Variants in DPF1 observed in about 807,000 individuals in gnomAD.
The protein encoded by DPF1 is double PHD fingers 1, also known as zinc finger protein neuro-d4.
In DPF1, 14 loss-of-function variants were observed where a neutral mutation model predicts 58.7. The observed-to-expected ratio is 0.24, with a 90% confidence interval of 0.16 to 0.37. The LOEUF is 0.37. Ranked by LOEUF, DPF1 falls within the 10% of genes least tolerant of loss-of-function variation. The probability of loss-of-function intolerance (pLI) is 1.00; values close to 1 mark genes in which losing one functional copy is unlikely to be tolerated. For missense variants in DPF1, 345 were observed against 529.9 expected (o/e 0.65, Z 3.43); for synonymous variants, 216 against 216.0 (o/e 1.00, Z 0.00).
At chr19:38,221,927 C>T (rs1967505569) in intron 3 of DPF1, among the ~76,000 whole-genome samples, 1 of 151,808 alleles carries the variant, frequency 6.6e-6, no homozygotes, top group Admixed American at 6.6e-5. Flanking sequence ...ACTAAAAATA[C>T]AAAATCAGCC....
In DPF1 at chr19:38,217,518, C is replaced by G; in HGVS notation, c.669G>C (p.Glu223Asp). The change falls in exon 7 of 12, where the codon GAG becomes GAC. Residue 223 changes from glutamate to aspartate, a missense_variant. Transcript: ENST00000355526. ...HYTHTHLAEEEGEENAERHAL... is the reference protein window; with the variant it reads ...HYTHTHLAEEDGEENAERHAL... ...CGTGGCGTTCGGCGTTCTCCTCCCC[C>G]TCCTCCTCGGCCAGGTGGGTGTGGG... The G allele has an allele frequency of 1.3e-6, 2 of 1,551,564 alleles. No individual in the cohort carries two copies. Among genetic ancestry groups the G allele is most frequent in the Non-Finnish European group, 1.7e-6 (2 of 1,146,970 alleles).
intron 11 of DPF1, 43 bp downstream of exon 11, chr19:38,212,237 T>TGGGGGGGGGGGGGCC: frequency 8.0e-7 from 1 of 1,256,804 alleles, no homozygotes; most frequent in Non-Finnish European, 1.1e-6. Flanking sequence ...GGAGATGGCG[T>TGGGGGGGGGGGGGCC]TCCCACCCAC....
At chr19:38,212,190 CCT>C in intron 11 of DPF1, 57 bp from the exon 12 acceptor site, 1 of 1,570,176 alleles carries the variant, frequency 6.4e-7, no homozygotes, top group Non-Finnish European at 8.6e-7. Flanking sequence ...TGCCCCAGCC[CCT>C]TCCCACCCCG....
At position 38,218,587 on chromosome 19, in the gene DPF1, T is replaced by G. The variant is rs1308975642; in HGVS notation, c.502A>C (p.Arg168=). 1 of 1,614,068 alleles carries G rather than the reference T, an allele frequency of 6.2e-7. No individual in the cohort carries two copies. Among genetic ancestry groups the G allele is most frequent in the East Asian group, 2.2e-5 (1 of 44,890 alleles). ...LEDDIPRRKN[R]AKGKAYGIGG... ...TGGGGTGATACCTTTCCTTTGGCCC[T>G]GTTCTTCCTCCTGGGAATGTCATCC... Residue 168 remains arginine, a synonymous_variant, in exon 5 of 12, where the codon AGG becomes CGG. Coordinates refer to ENST00000355526, the MANE Select transcript of DPF1 (RefSeq NM_001135155.3).
upstream of DPF1, among the ~76,000 whole-genome samples, chr19:38,226,502 C>CCACACACACA (rs758283337): frequency 0.01 from 1,135 of 112,364 alleles, 26 homozygotes; most frequent in African/African-American, 0.029. Flanking sequence ...ACGGTCACTT[C>CCACACACACA]TACACACACA....
rs1057431464 is a variant in DPF1 at position 38,212,011 on chromosome 19, G to A, written c.*52C>T. ...AGGGTGGGGGAGAATTGAGGAGCTC[G>A]GAGAGGCAGGTAGGCGAGCACCACC... On this transcript the variant is annotated 3_prime_UTR_variant, in exon 12 of 12. Transcript: ENST00000355526. 3.1e-5 allele frequency: 49 copies of A among 1,580,628 alleles called. No individual in the cohort carries two copies. Among genetic ancestry groups the A allele is most frequent in the Admixed American group, 1.6e-4 (9 of 55,226 alleles).
At chr19:38,226,399 GC>G (rs1466561425), upstream of DPF1, among the ~76,000 whole-genome samples, 167 of 150,648 alleles carry the variant, frequency 1.1e-3, no homozygotes, top group Non-Finnish European at 2.1e-3. Context: ...ACCAGGGGGC[GC>G]CCCAGCCGAC....
chr19:38,214,047 C>A (rs911254126), intron 9 of DPF1: 3 of 368,148 alleles, frequency 8.1e-6, no homozygotes, highest in African/African-American at 4.1e-5. Flanking sequence ...TTTCTACCAC[C>A]CACAACACCG....
At chr19:38,220,162 T>A (rs1477023524) in intron 3 of DPF1, among the ~76,000 whole-genome samples, 2 of 117,604 alleles carry the variant, frequency 1.7e-5, no homozygotes. Context: ...CACTCCAAAC[T>A]GGGTGAAAAA....
intron 9 of DPF1, among the ~76,000 whole-genome samples, chr19:38,214,929 G>A (rs879321658): frequency 9.5e-5 from 14 of 146,606 alleles, no homozygotes; most frequent in Non-Finnish European, 1.5e-4. Flanking sequence ...TCTGAGCCCC[G>A]GGTTCAAGCG....
At chr19:38,221,259 C>T (rs562944615) in intron 3 of DPF1, among the ~76,000 whole-genome samples, 35 of 152,254 alleles carry the variant, frequency 2.3e-4, no homozygotes, top group South Asian at 1.9e-3. Flanking sequence ...GGCAGATGGC[C>T]GGGCATGGTG....
upstream of DPF1, among the ~76,000 whole-genome samples, chr19:38,226,503 T>TACACACACGCAC: frequency 7.5e-6 from 1 of 133,702 alleles, no homozygotes; most frequent in East Asian, 2.3e-4. Context: ...CGGTCACTTC[T>TACACACACGCAC]ACACACACAC....
chr19:38,217,385 ACCCCCAC>A, intron 7 of DPF1, 68 bp downstream of exon 7: 1 of 183,390 alleles, frequency 5.5e-6, no homozygotes, highest in Non-Finnish European at 9.2e-6. Context: ...ATGCCCCCCC[ACCCCCAC>A]CCCCAGCTGG....
At chr19:38,216,101 T>C (rs778539783) in intron 9 of DPF1, 39 bp downstream of exon 9, 1 of 1,584,332 alleles carries the variant, frequency 6.3e-7, no homozygotes, top group Non-Finnish European at 8.6e-7. Context: ...GAATGTCCTC[T>C]GCACCCGGCC....
chr19:38,212,252 C>T, intron 11 of DPF1, 28 bp downstream of exon 11: 2 of 879,606 alleles, frequency 2.3e-6, no homozygotes, highest in Non-Finnish European at 3.5e-6. Context: ...ACCCACCCGC[C>T]CCATGGGATG....
chr19:38,216,276 A>T lies in DPF1; in HGVS notation c.779-17T>A. 6.2e-7 allele frequency: 1 copy of T among 1,613,852 alleles called. No individual in the cohort carries two copies. Among genetic ancestry groups the T allele is most frequent in the Non-Finnish European group, 8.5e-7 (1 of 1,179,782 alleles). ...CCTTCTTGGCTGCAAGACAGCAGAC[A>T]GGCATTGGCACGGGGCAGGCAAGGG... On this transcript the variant is annotated splice_polypyrimidine_tract_variant and intron_variant, in intron 8 of 11. Transcript: ENST00000355526.
chr19:38,216,320 G>T (rs752613451), intron 8 of DPF1, 33 bp downstream of exon 8: 1 of 1,607,142 alleles, frequency 6.2e-7, no homozygotes, highest in Non-Finnish European at 8.5e-7. Context: ...AAAGGTGGCT[G>T]CAGACTTTAG....
intron 4 of DPF1, 29 bp downstream of exon 4, chr19:38,218,902 C>T: frequency 6.2e-7 from 1 of 1,612,444 alleles, no homozygotes; most frequent in South Asian, 1.1e-5. Flanking sequence ...CGAAGCCATG[C>T]AGCGGGGGTC....
chr19:38,216,474 C>T (rs1967029280), intron 7 of DPF1, 71 bp from the exon 8 acceptor site: 1 of 1,492,282 alleles, frequency 6.7e-7, no homozygotes, highest in Non-Finnish European at 8.9e-7. Flanking sequence ...AGCCTCAGCC[C>T]CAAGGATGGA....
Sources: allele counts gnomAD v4.1 joint callset (sites outside exome capture counted in the v4.1 genomes callset), GRCh38; gene constraint gnomAD v4.1.1; transcripts MANE v1.5; gene names NCBI Gene and HGNC (gene_info 2026-07-23, HGNC 2026-07-21).